Variants in SIDT1 observed in about 807,000 individuals in gnomAD.
SIDT1 encodes SID1 transmembrane family member 1.
In SIDT1, 101 loss-of-function variants were observed where a neutral mutation model predicts 107.5. The ratio of observed to expected loss-of-function variants is 0.94; its 90% CI spans 0.80 to 1.11. The LOEUF (loss-of-function observed/expected upper bound fraction) is 1.11, where lower values mean the gene tolerates loss of function less well. Among genes scored for constraint, SIDT1 ranks in the 50% least tolerant of loss-of-function variants. The pLI is 0.00. For missense variants in SIDT1, 1,076 were observed against 1,058.2 expected (o/e 1.02, Z -0.23); for synonymous variants, 395 against 398.2 (o/e 0.99, Z 0.10).
chr3:113,601,743 T>C, intron 11 of SIDT1, 84 bp downstream of exon 11: 1 of 880,112 alleles, frequency 1.1e-6, no homozygotes, highest in South Asian at 1.6e-5. Context: ...CACTAATAAC[T>C]GGGAATGTGG....
At chr3:113,619,614 A>G in intron 20 of SIDT1, 66 bp from the exon 21 acceptor site, 1 of 1,377,378 alleles carries the variant, frequency 7.3e-7, no homozygotes, top group Non-Finnish European at 1.0e-6. Flanking sequence ...ATACTTCTAC[A>G]CAGTAGGTTA....
At chr3:113,585,377 C>T in intron 9 of SIDT1, 107 bp downstream of exon 9, 1 of 827,074 alleles carries the variant, frequency 1.2e-6, no homozygotes, top group Non-Finnish European at 2.0e-6. Flanking sequence ...CTCCCTCAGC[C>T]ACTAGCAATG....
chr3:113,631,614 TA>T (rs1947095753), downstream of SIDT1, among the ~76,000 whole-genome samples: 1 of 152,182 alleles, frequency 6.6e-6, no homozygotes, highest in Admixed American at 6.5e-5. Context: ...AAGAGCATGT[TA>T]AATCTTAGGC....
chr3:113,569,121 G>A (rs550792737), intron 3 of SIDT1, among the ~76,000 whole-genome samples: 11 of 140,640 alleles, frequency 7.8e-5, no homozygotes, highest in African/African-American at 2.4e-4. Context: ...CCTGGGTGAA[G>A]GAGTGAGACT....
intron 11 of SIDT1, 95 bp downstream of exon 11, chr3:113,601,754 G>T (rs189766269): frequency 1.3e-6 from 1 of 780,384 alleles, no homozygotes; most frequent in Admixed American, 2.6e-5. Context: ...GGGAATGTGG[G>T]CAAAGCAGCT....
At chr3:113,545,454 C>A (rs1332435122) in intron 1 of SIDT1, among the ~76,000 whole-genome samples, 1 of 152,104 alleles carries the variant, frequency 6.6e-6, no homozygotes, top group Non-Finnish European at 1.5e-5. Context: ...TATAAACAAC[C>A]TACCATTCTA....
chr3:113,577,094 A>ATTTG, intron 4 of SIDT1, 127 bp downstream of exon 4: 5 of 855,066 alleles, frequency 5.8e-6, no homozygotes, highest in Non-Finnish European at 9.9e-6. Flanking sequence ...AACTTGAAGT[A>ATTTG]TATTTGTATT....
At chr3:113,608,015 C>A (rs755542373) in intron 15 of SIDT1, 79 bp from the exon 16 acceptor site, 40 of 1,380,386 alleles carry the variant, frequency 2.9e-5, no homozygotes, top group Non-Finnish European at 3.6e-5. Context: ...TGAATTCATT[C>A]ATTCCTTCAT....
intron 1 of SIDT1, among the ~76,000 whole-genome samples, chr3:113,544,171 T>TTTTGTTTGTTTG (rs139256393): frequency 7.6e-6 from 1 of 131,708 alleles, no homozygotes; most frequent in Non-Finnish European, 1.6e-5. Context: ...TCATGAGTCT[T>TTTTGTTTGTTTG]TTTGTTTGTT....
Position 113,628,749 on chromosome 3 carries a change from C to G in SIDT1, c.*1041C>G, listed in dbSNP as rs916018091. 1 of 152,296 alleles carries G rather than the reference C, an allele frequency of 6.6e-6. No individual in the cohort carries two copies. Among genetic ancestry groups the G allele is most frequent in the Non-Finnish European group, 1.5e-5 (1 of 68,094 alleles). 9.4% of individuals were successfully genotyped at this position (152,296 alleles called of 1,614,324 possible). ...CTTCAGGAGTCCTCCACAGCGAGTC[C>G]GTCATCTGTCACTTTATGTAGATCA... is the stretch of plus-strand genomic sequence containing the variant. On this transcript the variant is annotated 3_prime_UTR_variant, in exon 25 of 25. Coordinates refer to ENST00000264852, the MANE Select transcript of SIDT1 (RefSeq NM_017699.3).
chr3:113,537,955 A>G (rs1364539300), intron 1 of SIDT1, among the ~76,000 whole-genome samples: 1 of 151,934 alleles, frequency 6.6e-6, no homozygotes, highest in African/African-American at 2.4e-5. Flanking sequence ...GTTCATTTTT[A>G]TATTTTTAGG....
chr3:113,560,251 C>A (rs573894089), intron 1 of SIDT1, among the ~76,000 whole-genome samples: 1 of 152,288 alleles, frequency 6.6e-6, no homozygotes, highest in African/African-American at 2.4e-5. Flanking sequence ...TTGTAGGAAG[C>A]CTGTGCTGCT....
At chr3:113,589,812 G>A (rs1034905360) in intron 9 of SIDT1, 5 of 152,672 alleles carry the variant, frequency 3.3e-5, no homozygotes, top group Admixed American at 2.0e-4. Flanking sequence ...GGGATTACAG[G>A]CGTGAGCCAC....
intron 18 of SIDT1, among the ~76,000 whole-genome samples, chr3:113,611,448 C>T (rs1348257393): frequency 6.6e-6 from 1 of 152,216 alleles, no homozygotes; most frequent in Non-Finnish European, 1.5e-5. Context: ...TCTCCTGCCT[C>T]AGCCTCCTGA....
downstream of SIDT1, among the ~76,000 whole-genome samples, chr3:113,630,492 C>T (rs182589462): frequency 1.4e-4 from 22 of 152,268 alleles, no homozygotes; most frequent in African/African-American, 4.6e-4. Flanking sequence ...CTCCTCTCTT[C>T]GTAACTCCAG....
chr3:113,583,291 G>A, intron 6 of SIDT1, 118 bp from the exon 7 acceptor site: 1 of 594,346 alleles, frequency 1.7e-6, no homozygotes. Flanking sequence ...GAGTTAGAGG[G>A]CAGGGGTGAA....
intron 1 of SIDT1, among the ~76,000 whole-genome samples, chr3:113,540,995 T>C (rs1335237325): frequency 6.6e-6 from 1 of 152,160 alleles, no homozygotes; most frequent in Non-Finnish European, 1.5e-5. Context: ...ACTTATTCTA[T>C]CAGATATTCT....
intron 1 of SIDT1, among the ~76,000 whole-genome samples, chr3:113,561,304 C>A (rs1472793264): frequency 1.3e-5 from 2 of 152,236 alleles, no homozygotes; most frequent in East Asian, 3.8e-4. Context: ...CCAATGTCTT[C>A]TATCTCCTAC....
At chr3:113,570,845 T>C (rs960094309) in intron 3 of SIDT1, among the ~76,000 whole-genome samples, 5 of 152,202 alleles carry the variant, frequency 3.3e-5, no homozygotes, top group African/African-American at 1.2e-4. Flanking sequence ...GGAACTTTTT[T>C]CCCCTAGAAT....
Sources: allele counts gnomAD v4.1 joint callset (sites outside exome capture counted in the v4.1 genomes callset), GRCh38; gene constraint gnomAD v4.1.1; transcripts MANE v1.5; gene names NCBI Gene and HGNC (gene_info 2026-07-23, HGNC 2026-07-21).